The following DPP10 variants were observed in gnomAD, a reference collection of about 807,000 sequenced individuals.
The protein encoded by DPP10 is dipeptidyl peptidase like 10.
DPP10 carries 33 observed loss-of-function variants against 120.9 expected under a neutral mutation model. The observed-to-expected ratio is 0.27, with a 90% CI of 0.21 to 0.37. DPP10 has a LOEUF of 0.37. DPP10 is among the 10% of genes least tolerant of loss of function. The pLI, the probability that DPP10 is intolerant of heterozygous loss-of-function variation, is 1.00. For missense variants in DPP10, 816 were observed against 942.8 expected, an observed-to-expected ratio of 0.87 and a Z score of 1.76; for synonymous variants, 337 against 326.1, an observed-to-expected ratio of 1.03 and a Z score of -0.36.
intron 3 of DPP10, among the ~76,000 whole-genome samples, chr2:115,401,499 C>T (rs1474215885): frequency 6.6e-6 from 1 of 152,092 alleles, no homozygotes; most frequent in South Asian, 2.1e-4. Flanking sequence ...GGGAAGGTCA[C>T]TTGAGCTCAG....
At chr2:115,836,591 AAG>A in intron 23 of DPP10, 26 bp downstream of exon 23, 1 of 1,612,012 alleles carries the variant, frequency 6.2e-7, no homozygotes, top group Non-Finnish European at 8.5e-7. Flanking sequence ...ATAACAAAGA[AAG>A]AGGAGTATTT....
At chr2:115,254,613 T>A (rs114976756) in intron 1 of DPP10, among the ~76,000 whole-genome samples, 2,380 of 152,306 alleles carry the variant, frequency 0.016, 64 homozygotes, top group African/African-American at 0.055. Context: ...CTTCTTCTTA[T>A]GAGCCTGTAA....
chr2:115,498,687 C>CAT (rs111745778), intron 3 of DPP10, among the ~76,000 whole-genome samples: 54 of 132,012 alleles, frequency 4.1e-4, no homozygotes, highest in East Asian at 1.7e-3. Flanking sequence ...TTTACCTAAT[C>CAT]ATATATATAT....
chr2:114,859,861 C>G (rs1308018610), intron 1 of DPP10, among the ~76,000 whole-genome samples: 1 of 152,198 alleles, frequency 6.6e-6, no homozygotes, highest in Admixed American at 6.5e-5. Flanking sequence ...GATTTCAGGG[C>G]TAGGCTAGAC....
intron 2 of DPP10, among the ~76,000 whole-genome samples, chr2:115,339,058 C>G (rs1388049360): frequency 6.6e-6 from 1 of 152,128 alleles, no homozygotes; most frequent in Non-Finnish European, 1.5e-5. Flanking sequence ...ACGTATCTGA[C>G]AAAGCATTTG....
At chr2:115,167,397 C>G (rs1559174175) in intron 1 of DPP10, among the ~76,000 whole-genome samples, 1 of 63,388 alleles carries the variant, frequency 1.6e-5, no homozygotes, top group Non-Finnish European at 5.6e-5. Context: ...GTCTCTAAAA[C>G]AAACAAACAA....
At chr2:115,497,717 G>A (rs79666122) in intron 3 of DPP10, among the ~76,000 whole-genome samples, 5,784 of 152,132 alleles carry the variant, frequency 0.038, 161 homozygotes, top group Admixed American at 0.076. Context: ...AGGTTGGACT[G>A]TTGATTTGAG....
At chr2:115,215,158 G>A (rs749340359) in intron 1 of DPP10, among the ~76,000 whole-genome samples, 12 of 152,142 alleles carry the variant, frequency 7.9e-5, no homozygotes, top group Non-Finnish European at 1.6e-4. Context: ...AGTTGTCTTA[G>A]AACAAAAGTG....
chr2:115,069,787 T>C (rs1707223823), intron 1 of DPP10, among the ~76,000 whole-genome samples: 1 of 146,260 alleles, frequency 6.8e-6, no homozygotes, highest in South Asian at 2.1e-4. Context: ...CTTTCCTTTC[T>C]TTTTTTTTTT....
intron 3 of DPP10, among the ~76,000 whole-genome samples, chr2:115,379,077 A>G (rs920000583): frequency 2.0e-5 from 3 of 152,204 alleles, no homozygotes; most frequent in Admixed American, 1.3e-4. Flanking sequence ...AAAATGAGTT[A>G]GGGAGGATTC....
intron 5 of DPP10, among the ~76,000 whole-genome samples, chr2:115,576,400 A>G (rs2081657852): frequency 6.6e-6 from 1 of 152,246 alleles, no homozygotes. Context: ...ATGAAAAGTC[A>G]GAAATAAATG....
chr2:115,371,941 A>G (rs2106403705), intron 3 of DPP10, among the ~76,000 whole-genome samples: 1 of 152,258 alleles, frequency 6.6e-6, no homozygotes, highest in Middle Eastern at 3.4e-3. Context: ...GAGGTTCCAG[A>G]ATAGAGTGAG....
chr2:114,866,961 G>A (rs1328323018), intron 1 of DPP10, among the ~76,000 whole-genome samples: 1 of 152,134 alleles, frequency 6.6e-6, no homozygotes, highest in East Asian at 1.9e-4. Context: ...AGCCTTCCAG[G>A]TTAGGGGAGG....
chr2:114,987,176 G>A (rs1354490592), intron 1 of DPP10, among the ~76,000 whole-genome samples: 1 of 152,054 alleles, frequency 6.6e-6, no homozygotes, highest in Non-Finnish European at 1.5e-5. Flanking sequence ...GATTTTTAAG[G>A]CATATAAATT....
chr2:115,486,371 T>C (rs931805559), intron 3 of DPP10, among the ~76,000 whole-genome samples: 3 of 152,190 alleles, frequency 2.0e-5, no homozygotes, highest in Non-Finnish European at 4.4e-5. Context: ...AGATTAAACA[T>C]GTTTGTCAAT....
At chr2:114,721,490 T>G (rs1419553139) in intron 1 of DPP10, among the ~76,000 whole-genome samples, 2 of 152,240 alleles carry the variant, frequency 1.3e-5, no homozygotes, top group Admixed American at 1.3e-4. Flanking sequence ...AAGCACAATT[T>G]TGAGAGTGCA....
At chr2:114,893,963 T>G (rs911994169) in intron 1 of DPP10, among the ~76,000 whole-genome samples, 9 of 152,182 alleles carry the variant, frequency 5.9e-5, no homozygotes, top group African/African-American at 2.2e-4. Context: ...TTTGCTATCC[T>G]CATTTTTCTT....
intron 24 of DPP10, 85 bp from the exon 25 acceptor site, chr2:115,840,665 C>T: frequency 7.2e-7 from 1 of 1,379,346 alleles, no homozygotes; most frequent in Non-Finnish European, 1.0e-6. Context: ...TAAAATAAAA[C>T]ACTGAATCTC....
chr2:115,036,074 A>C (rs1372617890), intron 1 of DPP10, among the ~76,000 whole-genome samples: 1 of 152,242 alleles, frequency 6.6e-6, no homozygotes, highest in Non-Finnish European at 1.5e-5. Context: ...ATTGACCCAC[A>C]GTTCTGCATG....
Sources: gnomAD v4.1 joint callset for allele counts (sites outside exome capture counted in the v4.1 genomes callset) on GRCh38, gnomAD v4.1.1 for gene constraint, MANE v1.5 for transcripts, NCBI Gene and HGNC (gene_info 2026-07-23, HGNC 2026-07-21) for gene names.